Variants in KLF12 observed in about 807,000 individuals in gnomAD.
KLF12 encodes the protein KLF transcription factor 12.
A neutral mutation model predicts 37.8 loss-of-function variants in KLF12; 9 were observed. That is an observed-to-expected ratio of 0.24 (90% CI 0.14 to 0.42). KLF12 has a LOEUF of 0.42. Ranked by LOEUF, KLF12 falls within the 10% of genes least tolerant of loss-of-function variation. The probability of loss-of-function intolerance (pLI) is 1.00; values close to 1 mark genes in which losing one functional copy is unlikely to be tolerated. For missense variants in KLF12, 411 were observed against 516.0 expected (o/e 0.80, Z 1.97); for synonymous variants, 208 against 202.1 (o/e 1.03, Z -0.25).
At chr13:73,831,457 C>T (rs936747581) in intron 4 of KLF12, among the ~76,000 whole-genome samples, 6 of 152,030 alleles carry the variant, frequency 3.9e-5, no homozygotes, top group Admixed American at 3.3e-4. Context: ...AATATATTTA[C>T]AAGATTTATT....
chr13:73,712,686 T>C (rs1371358394), intron 7 of KLF12, among the ~76,000 whole-genome samples: 2 of 152,198 alleles, frequency 1.3e-5, no homozygotes, highest in Non-Finnish European at 2.9e-5. Flanking sequence ...ACTTTATTGC[T>C]GTCTTAAGAA....
the KLF12 span, among the ~76,000 whole-genome samples, chr13:74,211,685 C>T: frequency 1.6e-4 from 24 of 152,078 alleles, no homozygotes; most frequent in Non-Finnish European, 3.4e-4. Flanking sequence ...TTAGTTGGTT[C>T]TAGAGAACAA....
intron 5 of KLF12, chr13:73,800,504 A>C (rs1029574632): frequency 6.6e-6 from 1 of 152,086 alleles, no homozygotes; most frequent in African/African-American, 2.4e-5. Context: ...TTAATACAGT[A>C]ATCATCACTC....
At chr13:74,130,680 A>G (rs1878212432) in intron 1 of KLF12, among the ~76,000 whole-genome samples, 1 of 152,022 alleles carries the variant, frequency 6.6e-6, no homozygotes, top group Non-Finnish European at 1.5e-5. Flanking sequence ...TAAGCAGAAA[A>G]GGTAATAATG....
chr13:74,048,735 T>C (rs759605576), intron 1 of KLF12, among the ~76,000 whole-genome samples: 9 of 152,050 alleles, frequency 5.9e-5, no homozygotes, highest in Non-Finnish European at 1.3e-4. Context: ...GACTTCTGAG[T>C]AAAGAAAACA....
intron 4 of KLF12, among the ~76,000 whole-genome samples, chr13:73,832,106 A>G (rs993340769): frequency 6.6e-6 from 1 of 152,214 alleles, no homozygotes; most frequent in Non-Finnish European, 1.5e-5. Flanking sequence ...CATAGAGTAC[A>G]TGTAATGTAG....
chr13:74,131,500 G>A (rs1878258701), intron 1 of KLF12, among the ~76,000 whole-genome samples: 1 of 152,098 alleles, frequency 6.6e-6, no homozygotes, highest in African/African-American at 2.4e-5. Context: ...TGCTATACCA[G>A]GACCATTTAC....
chr13:73,715,662 A>T (rs6562780), intron 6 of KLF12, 137 bp from the exon 7 acceptor site: 610,437 of 797,650 alleles, frequency 0.77, 234,819 homozygotes, highest in Middle Eastern at 0.87. Flanking sequence ...TGCTACCACT[A>T]TCTTGGGCAG....
At chr13:73,796,906 A>G (rs1346238777) in intron 5 of KLF12, among the ~76,000 whole-genome samples, 7 of 152,178 alleles carry the variant, frequency 4.6e-5, no homozygotes, top group Non-Finnish European at 7.3e-5. Flanking sequence ...TCTCAAAAAC[A>G]TTATGCAATG....
intron 3 of KLF12, among the ~76,000 whole-genome samples, chr13:73,925,126 A>C (rs909859557): frequency 6.6e-6 from 1 of 152,256 alleles, no homozygotes; most frequent in African/African-American, 2.4e-5. Flanking sequence ...GTTATCTGGA[A>C]GATTTAGTTA....
intron 1 of KLF12, among the ~76,000 whole-genome samples, chr13:74,040,787 C>G (rs1045972750): frequency 6.6e-6 from 1 of 152,126 alleles, no homozygotes; most frequent in Non-Finnish European, 1.5e-5. Flanking sequence ...TTCATAACAA[C>G]TCTCACAATA....
intron 1 of KLF12, among the ~76,000 whole-genome samples, chr13:74,114,601 A>T (rs1274182281): frequency 1.3e-5 from 2 of 152,190 alleles, no homozygotes; most frequent in Non-Finnish European, 2.9e-5. Flanking sequence ...AGTATGAATG[A>T]AAGGCAATTT....
chr13:74,036,139 ACT>A (rs921465908), intron 1 of KLF12, among the ~76,000 whole-genome samples: 1 of 151,736 alleles, frequency 6.6e-6, no homozygotes, highest in African/African-American at 2.4e-5. Flanking sequence ...GACACCACCC[ACT>A]CTCTAAGTCT....
chr13:74,262,803 G>GTA, the KLF12 span, among the ~76,000 whole-genome samples: 169 of 151,094 alleles, frequency 1.1e-3, no homozygotes, highest in South Asian at 0.01. Context: ...CAGAATAATA[G>GTA]TATATATATA....
intron 1 of KLF12, among the ~76,000 whole-genome samples, chr13:74,023,710 T>C (rs1302225304): frequency 6.6e-6 from 1 of 152,208 alleles, no homozygotes; most frequent in Non-Finnish European, 1.5e-5. Context: ...ATTCATTACA[T>C]TGGCAACAAC....
intron 3 of KLF12, among the ~76,000 whole-genome samples, chr13:73,849,617 A>G (rs1364641309): frequency 6.6e-6 from 1 of 152,154 alleles, no homozygotes; most frequent in African/African-American, 2.4e-5. Flanking sequence ...CCAGCCTCAA[A>G]GGGGATAAGA....
chr13:73,784,700 G>C (rs1881205515), intron 5 of KLF12, among the ~76,000 whole-genome samples: 1 of 148,924 alleles, frequency 6.7e-6, no homozygotes. Context: ...GCACGATCTA[G>C]GCTCACTGCA....
intron 5 of KLF12, among the ~76,000 whole-genome samples, chr13:73,806,662 A>G (rs1882645825): frequency 6.6e-6 from 1 of 151,798 alleles, no homozygotes. Flanking sequence ...AAAAAAAAAA[A>G]AAGAAAGAAA....
chr13:73,806,649 CAAAA>C (rs11482328), intron 5 of KLF12, among the ~76,000 whole-genome samples: 1 of 108,320 alleles, frequency 9.2e-6, no homozygotes, highest in Non-Finnish European at 1.9e-5. Context: ...AAAAAACAAA[CAAAA>C]AAAAAAAAAA....
Sources: gnomAD v4.1 joint callset for allele counts (sites outside exome capture counted in the v4.1 genomes callset) on GRCh38, gnomAD v4.1.1 for gene constraint, MANE v1.5 for transcripts, NCBI Gene and HGNC (gene_info 2026-07-23, HGNC 2026-07-21) for gene names.